PTPRO: variants seen among roughly 807,000 people sequenced by gnomAD.
PTPRO encodes protein tyrosine phosphatase receptor type O, also known as receptor-type tyrosine-protein phosphatase O.
PTPRO carries 62 observed loss-of-function variants against 145.2 expected under a neutral mutation model. That is an observed-to-expected ratio of 0.43 (90% confidence interval 0.35 to 0.53). PTPRO has a LOEUF of 0.53. PTPRO is among the 20% of genes least tolerant of loss of function. The pLI is 0.01. For missense variants in PTPRO, 1,345 were observed against 1,482.7 expected, an observed-to-expected ratio of 0.91 and a Z score of 1.53; for synonymous variants, 565 against 514.7, an observed-to-expected ratio of 1.10 and a Z score of -1.32.
At chr12:15,509,681 C>T (rs1489996788) in intron 7 of PTPRO, among the ~76,000 whole-genome samples, 4 of 119,562 alleles carry the variant, frequency 3.3e-5, no homozygotes, top group South Asian at 2.9e-4. Context: ...AGTGAGACTC[C>T]GTCTCAAAAA....
chr12:15,384,099 A>G (rs1008195946), intron 1 of PTPRO, among the ~76,000 whole-genome samples: 1 of 152,152 alleles, frequency 6.6e-6, no homozygotes, highest in African/African-American at 2.4e-5. Flanking sequence ...ATAGGAGAGT[A>G]TAATAAGGCA....
chr12:15,385,148 T>C (rs1591763313), intron 1 of PTPRO, among the ~76,000 whole-genome samples: 1 of 152,204 alleles, frequency 6.6e-6, no homozygotes, highest in South Asian at 2.1e-4. Flanking sequence ...GCTGAAAATA[T>C]TTATTGTAAC....
At chr12:15,551,175 C>T (rs1258656820) in intron 14 of PTPRO, among the ~76,000 whole-genome samples, 1 of 152,128 alleles carries the variant, frequency 6.6e-6, no homozygotes, top group Admixed American at 6.5e-5. Flanking sequence ...GAGGTTGCCA[C>T]CCTCTAAGCT....
At chr12:15,447,944 A>G (rs1047408277) in intron 1 of PTPRO, among the ~76,000 whole-genome samples, 2 of 152,204 alleles carry the variant, frequency 1.3e-5, no homozygotes, top group Non-Finnish European at 2.9e-5. Context: ...ATTTCAAACT[A>G]TAATTCCAGT....
chr12:15,450,425 G>A (rs115940470), intron 1 of PTPRO, among the ~76,000 whole-genome samples: 5 of 152,204 alleles, frequency 3.3e-5, no homozygotes, highest in Admixed American at 6.5e-5. Flanking sequence ...GAAAGCTGTC[G>A]TTTTACCAAG....
chr12:15,347,399 A>G (rs541961626), intron 1 of PTPRO, among the ~76,000 whole-genome samples: 4 of 152,330 alleles, frequency 2.6e-5, no homozygotes, highest in South Asian at 2.1e-4. Flanking sequence ...ATTCCCAACC[A>G]GGCAATAAAT....
intron 1 of PTPRO, among the ~76,000 whole-genome samples, chr12:15,455,489 A>G (rs1941153468): frequency 6.6e-6 from 1 of 152,212 alleles, no homozygotes; most frequent in Non-Finnish European, 1.5e-5. Flanking sequence ...GTCCATGTAC[A>G]CAGGACACCT....
chr12:15,417,696 T>C (rs1940021502), intron 1 of PTPRO, among the ~76,000 whole-genome samples: 1 of 151,732 alleles, frequency 6.6e-6, no homozygotes, highest in African/African-American at 2.4e-5. Context: ...CTCCAGTTCC[T>C]TCTTAGAAAA....
At chr12:15,573,775 G>T (rs1944115085) in intron 19 of PTPRO, among the ~76,000 whole-genome samples, 1 of 152,128 alleles carries the variant, frequency 6.6e-6, no homozygotes, top group Admixed American at 6.5e-5. Flanking sequence ...CATCCTCAGG[G>T]TCAGCGTCAG....
chr12:15,534,287 AAAAAAG>A (rs1943023484), intron 12 of PTPRO, among the ~76,000 whole-genome samples: 1 of 152,208 alleles, frequency 6.6e-6, no homozygotes, highest in Non-Finnish European at 1.5e-5. Context: ...CCAACCTTAA[AAAAAAG>A]AAAAAGAAAG....
At chr12:15,566,500 T>G (rs1287845436) in intron 18 of PTPRO, among the ~76,000 whole-genome samples, 1 of 152,110 alleles carries the variant, frequency 6.6e-6, no homozygotes, top group Non-Finnish European at 1.5e-5. Flanking sequence ...AATTTCATTT[T>G]TTATTTTTAT....
At chr12:15,498,444 G>C (rs1055079388) in intron 3 of PTPRO, among the ~76,000 whole-genome samples, 1 of 152,146 alleles carries the variant, frequency 6.6e-6, no homozygotes, top group Non-Finnish European at 1.5e-5. Flanking sequence ...TGTAGTCCCA[G>C]ATACTCAGGA....
intron 1 of PTPRO, among the ~76,000 whole-genome samples, chr12:15,435,096 C>G (rs1019825685): frequency 6.6e-6 from 1 of 152,136 alleles, no homozygotes; most frequent in Non-Finnish European, 1.5e-5. Flanking sequence ...TCTGACAAAC[C>G]TATTCAGTCA....
rs1177857332 is a variant in PTPRO at position 15,482,274 on chromosome 12, G to T, written c.76-1700G>T. Among the ~76,000 whole-genome samples, 3 of 151,864 alleles carry T rather than the reference G, an allele frequency of 2.0e-5. No individual in the cohort carries two copies. The East Asian group carries it at 5.8e-4, about 29-fold the overall frequency. On this transcript the variant is annotated intron_variant, in intron 1 of 26. Transcript: ENST00000281171. ...GAACCTGAAGGACATTATATCAAGT[G>T]AAATAACCCAAGCACTAGAAGATAA...
intron 1 of PTPRO, among the ~76,000 whole-genome samples, chr12:15,338,810 G>A (rs1351435741): frequency 6.6e-6 from 1 of 152,110 alleles, no homozygotes; most frequent in Non-Finnish European, 1.5e-5. Context: ...GCGGAGTAGA[G>A]GAAAAGAATG....
chr12:15,352,447 T>G (rs1001306361), intron 1 of PTPRO, among the ~76,000 whole-genome samples: 26 of 152,066 alleles, frequency 1.7e-4, no homozygotes, highest in Admixed American at 1.4e-3. Context: ...TCAGGAGATC[T>G]AGACCATCTT....
chr12:15,359,422 CTTTTTTTTTTT>C (rs771782428), intron 1 of PTPRO, among the ~76,000 whole-genome samples: 9 of 112,512 alleles, frequency 8.0e-5, no homozygotes, highest in Admixed American at 4.0e-4. Context: ...TTTCTCTTTC[CTTTTTTTTTTT>C]TTTTTTTTTG....
intron 9 of PTPRO, 50 bp downstream of exon 9, chr12:15,517,006 C>A (rs776390970): frequency 1.5e-5 from 21 of 1,445,946 alleles, no homozygotes; most frequent in Non-Finnish European, 1.9e-5. Flanking sequence ...AACAGGCAAA[C>A]CTTTATGTAC....
At chr12:15,411,090 T>A (rs1290199090) in intron 1 of PTPRO, among the ~76,000 whole-genome samples, 1 of 152,236 alleles carries the variant, frequency 6.6e-6, no homozygotes, top group Non-Finnish European at 1.5e-5. Context: ...TTAAAGATAA[T>A]GAATGCTCCT....
Sources: gnomAD v4.1 joint callset for allele counts (sites outside exome capture counted in the v4.1 genomes callset) on GRCh38, gnomAD v4.1.1 for gene constraint, MANE v1.5 for transcripts, NCBI Gene and HGNC (gene_info 2026-07-23, HGNC 2026-07-21) for gene names.